The following GLCE variants were observed in gnomAD, a reference collection of about 807,000 sequenced individuals.
GLCE encodes glucuronic acid epimerase, also known as D-glucuronyl C5-epimerase.
GLCE carries 19 observed loss-of-function variants against 47.9 expected under a neutral mutation model. The observed-to-expected ratio is 0.40, with a 90% CI of 0.28 to 0.58. The LOEUF (loss-of-function observed/expected upper bound fraction) is 0.58. Among genes scored for constraint, GLCE ranks in the 20% least tolerant of loss-of-function variants. The pLI, the probability that GLCE is intolerant of heterozygous loss-of-function variation, is 0.48. For missense variants in GLCE, 556 were observed against 743.3 expected (o/e 0.75, Z 2.93); for synonymous variants, 245 against 263.4 (o/e 0.93, Z 0.68).
intron 1 of GLCE, among the ~76,000 whole-genome samples, chr15:69,194,791 G>A (rs2140356366): frequency 6.6e-6 from 1 of 151,790 alleles, no homozygotes. Context: ...TTATTTTCTT[G>A]GACTTTTCTT....
chr15:69,169,756 G>A (rs1245123683), intron 1 of GLCE, among the ~76,000 whole-genome samples: 3 of 151,964 alleles, frequency 2.0e-5, no homozygotes, highest in Non-Finnish European at 4.4e-5. Flanking sequence ...GTGTTCCATG[G>A]TGTGTATGTG....
intron 1 of GLCE, among the ~76,000 whole-genome samples, chr15:69,174,221 G>T (rs1168573844): frequency 6.6e-6 from 1 of 152,216 alleles, no homozygotes; most frequent in African/African-American, 2.4e-5. Context: ...TCTTGTTTTA[G>T]AAATGTCACA....
At chr15:69,166,580 A>C (rs959522214) in intron 1 of GLCE, among the ~76,000 whole-genome samples, 4 of 152,184 alleles carry the variant, frequency 2.6e-5, no homozygotes, top group African/African-American at 9.7e-5. Context: ...TAGTTGGTCT[A>C]TAAGATTTTC....
intron 1 of GLCE, among the ~76,000 whole-genome samples, chr15:69,190,831 TTTC>T (rs533554004): frequency 1.5e-4 from 23 of 152,202 alleles, no homozygotes; most frequent in African/African-American, 4.8e-4. Context: ...ATTTGTCCCA[TTTC>T]TTCTTTGCAT....
intron 1 of GLCE, among the ~76,000 whole-genome samples, chr15:69,194,157 C>T (rs894613773): frequency 1.4e-4 from 21 of 152,154 alleles, no homozygotes; most frequent in Admixed American, 1.3e-3. Context: ...TCCATTAATT[C>T]CATGTGGGCT....
intron 1 of GLCE, among the ~76,000 whole-genome samples, chr15:69,205,732 T>A (rs1358201636): frequency 6.6e-6 from 1 of 152,124 alleles, no homozygotes; most frequent in Non-Finnish European, 1.5e-5. Context: ...ATTTTTCACT[T>A]TCCTGATAGC....
chr15:69,215,267 T>C (rs2140380984), intron 2 of GLCE, among the ~76,000 whole-genome samples: 1 of 152,254 alleles, frequency 6.6e-6, no homozygotes, highest in South Asian at 2.1e-4. Context: ...CCCTAATGTG[T>C]GTTCTATCCC....
At chr15:69,190,829 C>T (rs1442419835) in intron 1 of GLCE, among the ~76,000 whole-genome samples, 1 of 151,890 alleles carries the variant, frequency 6.6e-6, no homozygotes, top group Admixed American at 6.6e-5. Context: ...CTATTTGTCC[C>T]ATTTCTTCTT....
chr15:69,206,185 G>A (rs1423363404), intron 1 of GLCE, among the ~76,000 whole-genome samples: 1 of 151,848 alleles, frequency 6.6e-6, no homozygotes, highest in African/African-American at 2.4e-5. Flanking sequence ...CAGATATTTT[G>A]CAGAGTGTCT....
intron 4 of GLCE, among the ~76,000 whole-genome samples, chr15:69,265,550 C>A (rs1033687763): frequency 1.3e-5 from 2 of 152,174 alleles, no homozygotes; most frequent in Non-Finnish European, 2.9e-5. Context: ...CTCAGTAACA[C>A]CCTCTGCTGG....
chr15:69,178,246 A>G (rs1013107297), intron 1 of GLCE, among the ~76,000 whole-genome samples: 1 of 152,192 alleles, frequency 6.6e-6, no homozygotes, highest in African/African-American at 2.4e-5. Flanking sequence ...TCCAACAGAA[A>G]AATGGGCAGA....
At chr15:69,234,224 C>T (rs1481721216) in intron 2 of GLCE, among the ~76,000 whole-genome samples, 2 of 152,016 alleles carry the variant, frequency 1.3e-5, no homozygotes, top group African/African-American at 2.4e-5. Flanking sequence ...GTAATCCGCC[C>T]GCCTCAGCCT....
intron 1 of GLCE, among the ~76,000 whole-genome samples, chr15:69,194,072 ACTGAAGC>A (rs2051951932): frequency 6.6e-6 from 1 of 152,144 alleles, no homozygotes; most frequent in Non-Finnish European, 1.5e-5. Context: ...AACCATGTGT[ACTGAAGC>A]CTTACCTATT....
At chr15:69,206,098 TCTC>T (rs2052148077) in intron 1 of GLCE, among the ~76,000 whole-genome samples, 2 of 152,106 alleles carry the variant, frequency 1.3e-5, no homozygotes, top group Non-Finnish European at 2.9e-5. Context: ...TCTCCCTAAA[TCTC>T]CTATAGTCTA....
chr15:69,184,955 T>C (rs1433282683), intron 1 of GLCE, among the ~76,000 whole-genome samples: 2 of 152,222 alleles, frequency 1.3e-5, no homozygotes, highest in African/African-American at 4.8e-5. Context: ...TTCCTTCTCA[T>C]ATCTGAGTCA....
chr15:69,182,214 T>C (rs2051758451), intron 1 of GLCE, among the ~76,000 whole-genome samples: 1 of 151,812 alleles, frequency 6.6e-6, no homozygotes, highest in South Asian at 2.1e-4. Context: ...GGAAACTCAT[T>C]TGAGGCTCCT....
chr15:69,175,283 A>G (rs2051646834), intron 1 of GLCE, among the ~76,000 whole-genome samples: 2 of 152,158 alleles, frequency 1.3e-5, no homozygotes, highest in Non-Finnish European at 2.9e-5. Context: ...TAATACCACC[A>G]TCTCCTAAAT....
chr15:69,267,897 C>A (rs941153421), intron 4 of GLCE, among the ~76,000 whole-genome samples: 2 of 138,496 alleles, frequency 1.4e-5, no homozygotes, highest in Non-Finnish European at 3.0e-5. Context: ...TCATTGATTA[C>A]TGATCAGCTA....
At chr15:69,174,684 G>A (rs1350507597) in intron 1 of GLCE, among the ~76,000 whole-genome samples, 4 of 152,138 alleles carry the variant, frequency 2.6e-5, no homozygotes, top group Non-Finnish European at 5.9e-5. Flanking sequence ...AAATGATTCA[G>A]TTGTTTAAAT....
Sources: gnomAD v4.1 joint callset for allele counts (sites outside exome capture counted in the v4.1 genomes callset) on GRCh38, gnomAD v4.1.1 for gene constraint, MANE v1.5 for transcripts, NCBI Gene and HGNC (gene_info 2026-07-23, HGNC 2026-07-21) for gene names.